Variants in EFR3B observed in about 807,000 individuals in gnomAD.
EFR3B encodes protein EFR3 homolog B.
A neutral mutation model predicts 104.7 loss-of-function variants in EFR3B; 64 were observed. The observed-to-expected ratio is 0.61, with a 90% CI of 0.50 to 0.75. The LOEUF (loss-of-function observed/expected upper bound fraction) is 0.75. Among genes scored for constraint, EFR3B ranks in the 30% least tolerant of loss-of-function variants. EFR3B has a pLI of 0.00. For synonymous variants in EFR3B, 385 were observed against 417.9 expected (o/e 0.92, Z 0.96); for missense variants, 750 against 1,078.5 (o/e 0.70, Z 4.27).
intron 5 of EFR3B, among the ~76,000 whole-genome samples, chr2:25,124,006 G>A (rs1573219516): frequency 6.6e-6 from 1 of 152,324 alleles, no homozygotes; most frequent in Admixed American, 6.5e-5. Flanking sequence ...GGGTGAGAGA[G>A]GGTGGAGGAG....
intron 5 of EFR3B, among the ~76,000 whole-genome samples, chr2:25,126,158 GTTA>G (rs1670162390): frequency 1.3e-5 from 2 of 152,200 alleles, no homozygotes; most frequent in Non-Finnish European, 2.9e-5. Flanking sequence ...GGTGGGGGCA[GTTA>G]TTTTGGCAAA....
chr2:25,123,426 G>A (rs564414129), intron 5 of EFR3B, among the ~76,000 whole-genome samples: 8 of 152,110 alleles, frequency 5.3e-5, no homozygotes, highest in Admixed American at 3.9e-4. Flanking sequence ...GCAGTAGACC[G>A]ACTCCTGGGC....
intron 4 of EFR3B, among the ~76,000 whole-genome samples, chr2:25,108,194 G>C (rs1003326521): frequency 1.3e-5 from 2 of 152,176 alleles, no homozygotes; most frequent in African/African-American, 4.8e-5. Context: ...ATCATGATGA[G>C]GGACTGGAAA....
chr2:25,051,256 C>T (rs1332785086), intron 1 of EFR3B, among the ~76,000 whole-genome samples: 4 of 152,168 alleles, frequency 2.6e-5, no homozygotes, highest in South Asian at 4.2e-4. Flanking sequence ...GGACTACAGG[C>T]GTGAGCCACC....
chr2:25,070,957 C>G (rs1668476916), intron 1 of EFR3B, among the ~76,000 whole-genome samples: 1 of 152,142 alleles, frequency 6.6e-6, no homozygotes. Context: ...GGCTCAAGCT[C>G]TTTTCTTTTC....
In EFR3B at chr2:25,042,094, G is replaced by A. The variant is rs963428968; in HGVS notation, c.-219G>A. On this transcript the variant is annotated 5_prime_UTR_variant, in exon 1 of 23. Transcript: ENST00000403714. The surrounding 1 kb of genome is among the most constrained non-coding windows in gnomAD (Gnocchi z 5.4). ...TGCGCGCAGCAGTGCCCAGCAACCC[G>A]AGCGGAGGCGGCCGCTGCAGCCCGG... The A allele has an allele frequency of 3.2e-6, 1 of 313,452 alleles. No homozygotes were observed. The highest frequency in any genetic ancestry group is 5.7e-6 in the Non-Finnish European group (1 of 176,058). 19.4% of individuals were successfully genotyped at this position (313,452 alleles called of 1,614,324 possible).
At chr2:25,126,363 CTTT>C (rs869190804) in intron 5 of EFR3B, among the ~76,000 whole-genome samples, 3 of 143,606 alleles carry the variant, frequency 2.1e-5, no homozygotes, top group Non-Finnish European at 1.5e-5. Context: ...TAATTTCTTT[CTTT>C]TTTTTTTTTT....
At chr2:25,103,039 T>G (rs1343603046) in intron 3 of EFR3B, among the ~76,000 whole-genome samples, 1 of 152,222 alleles carries the variant, frequency 6.6e-6, no homozygotes, top group Non-Finnish European at 1.5e-5. Context: ...TCTCAGATTC[T>G]TCATAAAGAT....
chr2:25,072,693 T>A (rs1433749005), intron 1 of EFR3B, among the ~76,000 whole-genome samples: 1 of 152,152 alleles, frequency 6.6e-6, no homozygotes, highest in African/African-American at 2.4e-5. Flanking sequence ...CCCTTCCTAA[T>A]AAACCATTCT....
intron 11 of EFR3B, 28 bp from the exon 12 acceptor site, chr2:25,133,355 G>A (rs1211210429): frequency 1.9e-6 from 3 of 1,551,510 alleles, no homozygotes; most frequent in Non-Finnish European, 2.6e-6. Flanking sequence ...TTACCATCCT[G>A]GTGAGTGTTT....
rs1358717759 is a variant in EFR3B, at chr2:25,137,888, T to C, written c.1722+386T>C. Reference sequence around the variant, plus strand: ...TTTGTCTAAAGATTCTCTGGTTCCCTTGGCCGGGCGTGGTGGCTCATGCCT... The same window carrying C: ...TTTGTCTAAAGATTCTCTGGTTCCCCTGGCCGGGCGTGGTGGCTCATGCCT... On this transcript the variant is annotated intron_variant, in intron 15 of 22. Coordinates refer to ENST00000403714, the MANE Select transcript of EFR3B (RefSeq NM_014971.2). This position sits in a 1 kb window ranked among gnomAD's most constrained non-coding sequence, Gnocchi z 4.7. 6.6e-6 allele frequency among the ~76,000 whole-genome samples: 1 copy of C among 152,138 alleles called. No homozygotes were observed. The highest frequency in any genetic ancestry group is 1.5e-5 in the Non-Finnish European group (1 of 68,024).
chr2:25,116,745 T>C (rs75803771), intron 4 of EFR3B, among the ~76,000 whole-genome samples: 1,868 of 151,956 alleles, frequency 0.012, 43 homozygotes, highest in African/African-American at 0.04. Context: ...AGTTTTCCAG[T>C]GAGGTTAGCA....
intron 1 of EFR3B, among the ~76,000 whole-genome samples, chr2:25,044,243 G>A (rs924870914): frequency 6.6e-6 from 1 of 152,234 alleles, no homozygotes; most frequent in African/African-American, 2.4e-5. Context: ...AAGCTTGGGT[G>A]GGAAATTACT....
Position 25,103,627 on chromosome 2 carries a change from C to T in EFR3B, c.213-10C>T. 6.5e-7 allele frequency: 1 copy of T among 1,545,526 alleles called. No individual in the cohort carries two copies. The highest frequency in any genetic ancestry group is 8.8e-7 in the Non-Finnish European group (1 of 1,142,508). On this transcript the variant is annotated splice_polypyrimidine_tract_variant and intron_variant, in intron 3 of 22. Coordinates refer to ENST00000403714, the MANE Select transcript of EFR3B (RefSeq NM_014971.2). The stretch of plus-strand genomic sequence containing the variant: ...GCGCGGCCAGTGACGGCATGTGCTG[C>T]CCTCCCCAGGTACGTGTGCATTGCT...
At chr2:25,095,555 G>T (rs1405654895) in intron 3 of EFR3B, among the ~76,000 whole-genome samples, 1 of 152,086 alleles carries the variant, frequency 6.6e-6, no homozygotes, top group Non-Finnish European at 1.5e-5. Context: ...AATTAGCTGG[G>T]TGTGGGGGCA....
intron 1 of EFR3B, among the ~76,000 whole-genome samples, chr2:25,086,556 T>G (rs897439930): frequency 2.0e-5 from 3 of 152,188 alleles, no homozygotes; most frequent in African/African-American, 7.2e-5. Context: ...CACCTGCATA[T>G]CTCCTTTGCT....
intron 2 of EFR3B, among the ~76,000 whole-genome samples, chr2:25,092,787 A>C (rs895869413): frequency 6.6e-6 from 1 of 152,118 alleles, no homozygotes; most frequent in African/African-American, 2.4e-5. Flanking sequence ...TGATCTGCCC[A>C]CCTCAGCCTC....
intron 17 of EFR3B, among the ~76,000 whole-genome samples, chr2:25,143,178 T>C (rs1177778967): frequency 6.6e-6 from 1 of 151,726 alleles, no homozygotes; most frequent in Non-Finnish European, 1.5e-5. Flanking sequence ...ATGGTGCCAC[T>C]GCACTCCGGT....
At chr2:25,070,517 C>T (rs1411013177) in intron 1 of EFR3B, among the ~76,000 whole-genome samples, 1 of 152,206 alleles carries the variant, frequency 6.6e-6, no homozygotes, top group Non-Finnish European at 1.5e-5. Flanking sequence ...CCTGCCTCAG[C>T]CTCCCAAAGT....
Sources: allele counts gnomAD v4.1 joint callset (sites outside exome capture counted in the v4.1 genomes callset), GRCh38; gene constraint gnomAD v4.1.1; non-coding constraint Gnocchi (gnomAD v3.1); transcripts MANE v1.5; gene names NCBI Gene and HGNC (gene_info 2026-07-23, HGNC 2026-07-21).